The following UGT2B10 variants were observed in gnomAD, a reference collection of about 807,000 sequenced individuals.
UGT2B10 encodes UDP-glucuronosyltransferase 2B10.
UGT2B10 carries 51 observed loss-of-function variants against 43.7 expected under a neutral mutation model. The ratio of observed to expected loss-of-function variants is 1.17; its 90% CI spans 0.93 to 1.47. UGT2B10 has a LOEUF of 1.47. Among genes scored for constraint, UGT2B10 ranks in the 40% most tolerant of loss-of-function variants. The pLI, the probability that UGT2B10 is intolerant of heterozygous loss-of-function variation, is 0.00. For synonymous variants in UGT2B10, 225 were observed against 209.0 expected, an observed-to-expected ratio of 1.08 and a Z score of -0.66; for missense variants, 696 against 617.7, an observed-to-expected ratio of 1.13 and a Z score of -1.34.
chr4:68,830,401 A>G (rs1031670821), intron 5 of UGT2B10, among the ~76,000 whole-genome samples, 199 bp from the exon 6 acceptor site: 1 of 152,034 alleles, frequency 6.6e-6, no homozygotes, highest in Non-Finnish European at 1.5e-5. Flanking sequence ...TTTCTACTTT[A>G]AAAATATTTG....
At chr4:68,820,928 T>A (rs1181462166) in intron 2 of UGT2B10, among the ~76,000 whole-genome samples, 1 of 152,006 alleles carries the variant, frequency 6.6e-6, no homozygotes, top group Non-Finnish European at 1.5e-5. Flanking sequence ...TACACAGAGG[T>A]TAGATTCCTT....
chr4:68,828,191 C>T (rs990386731), intron 5 of UGT2B10, among the ~76,000 whole-genome samples: 7 of 151,998 alleles, frequency 4.6e-5, no homozygotes, highest in Non-Finnish European at 8.8e-5. Context: ...AGATTATTCT[C>T]TATAGATGTT....
chr4:68,827,280 T>C (rs1262283505), intron 4 of UGT2B10, 49 bp from the exon 5 acceptor site: 18 of 1,610,976 alleles, frequency 1.1e-5, no homozygotes, highest in Non-Finnish European at 1.4e-5. Flanking sequence ...TCATTGTGCA[T>C]CTCATTTTAT....
Position 68,816,729 on chromosome 4 carries a change from A to T in UGT2B10, c.710A>T (p.Glu237Val). Residue 237 changes from glutamate to valine, a missense_variant, in exon 1 of 6, where the codon GAA becomes GTA. Glu to Val is a moderately radical substitution (Grantham distance 121, BLOSUM62 -2). Transcript: ENST00000265403. ...NMKKWDQFYS[E>V]VLGRPTTLSE... ...AAGAAGTGGGATCAGTTTTACAGTG[A>T]AGTTTTAGGTAAGATTTTTTTCAAT... The T allele has an allele frequency of 6.3e-7, 1 of 1,592,444 alleles. No individual in the cohort carries two copies. The highest frequency in any genetic ancestry group is 8.5e-7 in the Non-Finnish European group (1 of 1,170,480).
chr4:68,830,694 C>G lies in UGT2B10; in HGVS notation c.1402C>G (p.Arg468Gly), dbSNP rs371487094. The G allele has an allele frequency of 2.5e-6, 4 of 1,613,206 alleles. No homozygotes were observed. In the African/African-American group the frequency reaches 4.0e-5, roughly 16 times the overall value. Residue 468 changes from arginine to glycine, a missense_variant, in exon 6 of 6, where the codon CGC becomes GGC. By Grantham distance (125) the Arg-to-Gly change is moderately radical. Transcript: ENST00000265403. ...AGTCTTCTGGATTGAATTTGTCATGCGCCACAAAGGAGCCAAACATCTTCG... is the reference window on the plus strand; with the variant it reads ...AGTCTTCTGGATTGAATTTGTCATGGGCCACAAAGGAGCCAAACATCTTCG... ...RAVFWIEFVM[R>G]HKGAKHLRVA...
At chr4:68,817,135 A>G (rs995669028) in intron 1 of UGT2B10, among the ~76,000 whole-genome samples, 10 of 151,834 alleles carry the variant, frequency 6.6e-5, no homozygotes, top group African/African-American at 2.2e-4. Flanking sequence ...TAACTGCAGA[A>G]ATTTTTCCTT....
chr4:68,831,181 C>T lies in UGT2B10; in HGVS notation c.*302C>T, dbSNP rs72849054. The T allele has an allele frequency of 4.5e-4, 134 of 300,888 alleles. No homozygotes were observed. Among genetic ancestry groups the T allele is most frequent in the African/African-American group, 2.9e-3 (132 of 45,448 alleles). The allele number at this position is 300,888 out of a possible 1,614,324, so 18.6% of individuals were successfully genotyped here. On this transcript the variant is annotated 3_prime_UTR_variant, in exon 6 of 6. Coordinates refer to ENST00000265403, the MANE Select transcript of UGT2B10 (RefSeq NM_001075.6). ...TGATCATGGCTCACTTCAGCCTCAACTTACTAAGCTCAAGAGGTTCTCTCA... is the reference window on the plus strand; with the variant it reads ...TGATCATGGCTCACTTCAGCCTCAATTTACTAAGCTCAAGAGGTTCTCTCA...
At position 68,830,707 on chromosome 4, in the gene UGT2B10, C is replaced by G; in HGVS notation, c.1415C>G (p.Ala472Gly). The change falls in exon 6 of 6, where the codon GCC becomes GGC. Residue 472 changes from alanine to glycine, a missense_variant. Coordinates refer to ENST00000265403, the MANE Select transcript of UGT2B10 (RefSeq NM_001075.6). Reference sequence around the variant, plus strand: ...GAATTTGTCATGCGCCACAAAGGAGCCAAACATCTTCGAGTTGCAGCCCAC... The same window carrying G: ...GAATTTGTCATGCGCCACAAAGGAGGCAAACATCTTCGAGTTGCAGCCCAC... ...WIEFVMRHKG[A>G]KHLRVAAHNL... 1 of 1,613,366 alleles carries G rather than the reference C, an allele frequency of 6.2e-7. No homozygotes were observed. The highest frequency in any genetic ancestry group is 8.5e-7 in the Non-Finnish European group (1 of 1,179,512).
intron 5 of UGT2B10, among the ~76,000 whole-genome samples, chr4:68,829,079 A>G (rs184559415): frequency 6.6e-6 from 1 of 152,150 alleles, no homozygotes; most frequent in East Asian, 1.9e-4. Context: ...AGTGGTCATG[A>G]CAGAATTATC....
Position 68,823,743 on chromosome 4 carries a change from G to A in UGT2B10, c.999+1341G>A, listed in dbSNP as rs115415458. On this transcript the variant is annotated intron_variant, in intron 3 of 5. Transcript: ENST00000265403. ...AGAAAGTTCGGGCCTAAAAATTAGAGCTTTTGGGAAAGCACTAATTATCTC... is the reference window on the plus strand; with the variant it reads ...AGAAAGTTCGGGCCTAAAAATTAGAACTTTTGGGAAAGCACTAATTATCTC... 6.4e-3 allele frequency among the ~76,000 whole-genome samples: 976 copies of A among 152,184 alleles called. 16 individuals carry two copies. Among genetic ancestry groups the A allele is most frequent in the African/African-American group, 0.022 (933 of 41,534 alleles).
chr4:68,820,643 G>A (rs188407651), intron 2 of UGT2B10, among the ~76,000 whole-genome samples: 4 of 151,874 alleles, frequency 2.6e-5, no homozygotes, highest in East Asian at 3.9e-4. Context: ...AATATAACAC[G>A]ATGGCAAATT....
At position 68,816,288 on chromosome 4, in the gene UGT2B10, T is replaced by C; in HGVS notation, c.269T>C (p.Met90Thr). Residue 90 changes from methionine to threonine, a missense_variant, in exon 1 of 6, where the codon ATG becomes ACG. Physicochemically the swap from Met to Thr is moderately conservative, Grantham distance 81. Coordinates refer to ENST00000265403, the MANE Select transcript of UGT2B10 (RefSeq NM_001075.6). ...AAAACTGAATTTGAGAATATCATCA[T>C]GCAATTGGTTAAGAGATTGTCAGAA... ...LTKTEFENIIMQLVKRLSEIQ... is the reference protein window; with the variant it reads ...LTKTEFENIITQLVKRLSEIQ... 1.2e-6 allele frequency: 2 copies of C among 1,613,180 alleles called. No individual in the cohort carries two copies. The highest frequency in any genetic ancestry group is 1.7e-6 in the Non-Finnish European group (2 of 1,179,448).
intron 3 of UGT2B10, among the ~76,000 whole-genome samples, chr4:68,825,374 C>A (rs899267683): frequency 1.3e-5 from 2 of 151,500 alleles, no homozygotes; most frequent in Non-Finnish European, 2.9e-5. Context: ...AGTACATGTG[C>A]AGGTTTTTTA....
intron 3 of UGT2B10, among the ~76,000 whole-genome samples, chr4:68,825,801 T>C (rs1578271124): frequency 2.0e-5 from 3 of 152,138 alleles, no homozygotes; most frequent in Non-Finnish European, 4.4e-5. Flanking sequence ...AACTAACATA[T>C]AGTTTCATGG....
chr4:68,828,171 C>A (rs1737897127), intron 5 of UGT2B10, among the ~76,000 whole-genome samples: 1 of 152,000 alleles, frequency 6.6e-6, no homozygotes, highest in Non-Finnish European at 1.5e-5. Flanking sequence ...AATTTGTTTT[C>A]TTTCTCTATA....
intron 3 of UGT2B10, among the ~76,000 whole-genome samples, chr4:68,825,056 T>C (rs1208921784): frequency 6.6e-6 from 1 of 152,100 alleles, no homozygotes; most frequent in Non-Finnish European, 1.5e-5. Context: ...TGTAGTAGCT[T>C]ATTTTATAGA....
chr4:68,823,748 TG>T (rs2109694861), intron 3 of UGT2B10, among the ~76,000 whole-genome samples: 1 of 152,228 alleles, frequency 6.6e-6, no homozygotes, highest in Non-Finnish European at 1.5e-5. Flanking sequence ...TTAGAGCTTT[TG>T]GGAAAGCACT....
intron 1 of UGT2B10, 150 bp downstream of exon 1, chr4:68,816,887 A>C (rs1459018556): frequency 1.3e-6 from 1 of 782,962 alleles, no homozygotes; most frequent in Non-Finnish European, 2.0e-6. Flanking sequence ...AATCTCACAA[A>C]TATTATAGAA....
chr4:68,828,898 A>G lies in UGT2B10; in HGVS notation c.1307+1350A>G, dbSNP rs1316254700. ...ATAGTGGAAGTAAGGGAGGTTATAA[A>G]TACTATTACTAAAATATCTTTAAAT... is the stretch of plus-strand genomic sequence containing the variant. On this transcript the variant is annotated intron_variant, in intron 5 of 5. Transcript: ENST00000265403. Among the ~76,000 whole-genome samples the G allele has an allele frequency of 2.0e-5, 3 of 151,848 alleles. 1 individual carries two copies. The highest frequency in any genetic ancestry group is 4.4e-5 in the Non-Finnish European group (3 of 67,944).
Sources: allele counts gnomAD v4.1 joint callset (sites outside exome capture counted in the v4.1 genomes callset), GRCh38; gene constraint gnomAD v4.1.1; transcripts MANE v1.5; gene names NCBI Gene and HGNC (gene_info 2026-07-23, HGNC 2026-07-21).